The following DEPDC1B variants were observed in gnomAD, a reference collection of about 807,000 sequenced individuals.
DEPDC1B encodes DEP domain-containing protein 1B.
In DEPDC1B, 51 loss-of-function variants were observed where a neutral mutation model predicts 66.5. That is an observed-to-expected ratio of 0.77 (90% CI 0.61 to 0.97). DEPDC1B has a LOEUF of 0.97. Ranked by LOEUF, DEPDC1B falls within the 50% of genes least tolerant of loss-of-function variation. DEPDC1B has a pLI of 0.00. For synonymous variants in DEPDC1B, 226 were observed against 223.6 expected (o/e 1.01, Z -0.10); for missense variants, 552 against 637.1 (o/e 0.87, Z 1.44).
At chr5:60,646,945 T>C (rs1196572786) in intron 3 of DEPDC1B, among the ~76,000 whole-genome samples, 1 of 152,196 alleles carries the variant, frequency 6.6e-6, no homozygotes, top group Non-Finnish European at 1.5e-5. Context: ...TGGGACCATC[T>C]AGTTACAGGA....
intron 2 of DEPDC1B, among the ~76,000 whole-genome samples, chr5:60,662,662 A>T (rs1476638899): frequency 6.6e-6 from 1 of 152,156 alleles, no homozygotes; most frequent in Non-Finnish European, 1.5e-5. Context: ...TGTCCGAATA[A>T]AAATAAGCTG....
At chr5:60,696,967 G>A (rs1561397713) in intron 1 of DEPDC1B, among the ~76,000 whole-genome samples, 1 of 152,164 alleles carries the variant, frequency 6.6e-6, no homozygotes, top group Non-Finnish European at 1.5e-5. Context: ...ACCTCGTTGT[G>A]TGATCTTGCC....
At chr5:60,652,922 A>T (rs1753488926) in intron 2 of DEPDC1B, among the ~76,000 whole-genome samples, 1 of 149,340 alleles carries the variant, frequency 6.7e-6, no homozygotes, top group Admixed American at 6.6e-5. Context: ...GATTGCTGCA[A>T]ATGTCATTAT....
intron 2 of DEPDC1B, among the ~76,000 whole-genome samples, chr5:60,677,826 A>C (rs1344528999): frequency 1.3e-5 from 2 of 152,252 alleles, no homozygotes; most frequent in African/African-American, 4.8e-5. Flanking sequence ...ACAACCCATG[A>C]CGATGAAATG....
chr5:60,618,051 C>T (rs1187865118), intron 7 of DEPDC1B, among the ~76,000 whole-genome samples: 2 of 152,158 alleles, frequency 1.3e-5, no homozygotes, highest in African/African-American at 4.8e-5. Context: ...GGGTACATAA[C>T]AAAATGAAGG....
intron 7 of DEPDC1B, among the ~76,000 whole-genome samples, chr5:60,615,121 T>G (rs550343775): frequency 6.6e-6 from 1 of 152,258 alleles, no homozygotes; most frequent in South Asian, 2.1e-4. Flanking sequence ...TTGAATAAAA[T>G]GAATCAAAGG....
intron 2 of DEPDC1B, among the ~76,000 whole-genome samples, chr5:60,681,748 C>G (rs557366573): frequency 6.6e-6 from 1 of 151,720 alleles, no homozygotes; most frequent in Non-Finnish European, 1.5e-5. Context: ...ACAGACAATA[C>G]AAAGAAATAA....
At chr5:60,692,307 T>C (rs1309322024) in intron 1 of DEPDC1B, among the ~76,000 whole-genome samples, 4 of 152,152 alleles carry the variant, frequency 2.6e-5, no homozygotes, top group African/African-American at 7.2e-5. Context: ...ACTTTCAAAA[T>C]CTGAGAGTAA....
chr5:60,604,964 C>T (rs1367070388), intron 8 of DEPDC1B, among the ~76,000 whole-genome samples: 2 of 152,152 alleles, frequency 1.3e-5, no homozygotes, highest in African/African-American at 4.8e-5. Flanking sequence ...CAGTGAATCC[C>T]CAGGGAGTAC....
At chr5:60,616,221 A>C (rs531707064) in intron 7 of DEPDC1B, among the ~76,000 whole-genome samples, 1 of 152,226 alleles carries the variant, frequency 6.6e-6, no homozygotes, top group Non-Finnish European at 1.5e-5. Context: ...TGGAAACTCT[A>C]AAAATCAGAG....
At chr5:60,644,616 T>C in intron 5 of DEPDC1B, 129 bp downstream of exon 5, 1 of 673,008 alleles carries the variant, frequency 1.5e-6, no homozygotes, top group Non-Finnish European at 2.3e-6. Flanking sequence ...TTAAAAGGTA[T>C]TAGAAAGAAT....
chr5:60,603,769 CAG>C (rs555298898), intron 8 of DEPDC1B, among the ~76,000 whole-genome samples: 26 of 151,606 alleles, frequency 1.7e-4, no homozygotes, highest in African/African-American at 6.1e-4. Context: ...TAAGAGACTG[CAG>C]AGAGATGCTT....
At chr5:60,618,861 C>A (rs192367499) in intron 7 of DEPDC1B, among the ~76,000 whole-genome samples, 7 of 152,298 alleles carry the variant, frequency 4.6e-5, no homozygotes, top group African/African-American at 1.7e-4. Flanking sequence ...ACTAATATCC[C>A]TGATGTACAT....
chr5:60,691,188 G>T (rs1316517605), intron 1 of DEPDC1B, among the ~76,000 whole-genome samples: 4 of 152,050 alleles, frequency 2.6e-5, no homozygotes, highest in Non-Finnish European at 4.4e-5. Flanking sequence ...CAAGTAGCTG[G>T]GGTTACAGGC....
At position 60,667,935 on chromosome 5, in the gene DEPDC1B, A is replaced by G. The variant is rs1322537863; in HGVS notation, c.314+19027T>C. On this transcript the variant is annotated intron_variant, in intron 2 of 10. Transcript: ENST00000265036. Reference sequence around the variant, plus strand: ...TATAAAAAATGGATATTTTATATATATATAAAATGGATATTTTATATATAT... The same window carrying G: ...TATAAAAAATGGATATTTTATATATGTATAAAATGGATATTTTATATATAT... 7.8e-4 allele frequency among the ~76,000 whole-genome samples: 70 copies of G among 89,720 alleles called. 8 individuals are homozygous for G. Among genetic ancestry groups the G allele is most frequent in the Non-Finnish European group, 1.2e-3 (50 of 43,276 alleles). 58.9% of individuals were successfully genotyped at this position (89,720 alleles called of 152,430 possible).
intron 7 of DEPDC1B, among the ~76,000 whole-genome samples, chr5:60,614,554 C>T (rs1450207389): frequency 6.6e-6 from 1 of 151,994 alleles, no homozygotes; most frequent in Non-Finnish European, 1.5e-5. Flanking sequence ...TTAATCTCTT[C>T]TCTTTTTTTT....
At chr5:60,627,723 T>C (rs889146135) in intron 7 of DEPDC1B, among the ~76,000 whole-genome samples, 1 of 152,124 alleles carries the variant, frequency 6.6e-6, no homozygotes, top group Non-Finnish European at 1.5e-5. Flanking sequence ...CTTCCTATCA[T>C]TTGAGAGAAG....
chr5:60,700,148 A>C lies in DEPDC1B; in HGVS notation c.-55T>G, dbSNP rs1043311377. 9 of 1,517,698 alleles carry C rather than the reference A, an allele frequency of 5.9e-6. No individual in the cohort carries two copies. Among genetic ancestry groups the C allele is most frequent in the African/African-American group, 2.8e-5 (2 of 70,688 alleles). 94.0% of individuals were successfully genotyped at this position (1,517,698 alleles called of 1,614,324 possible). On this transcript the variant is annotated 5_prime_UTR_variant, in exon 1 of 11. Coordinates refer to ENST00000265036, the MANE Select transcript of DEPDC1B (RefSeq NM_018369.3). ...GCCAGCGCTGATCCCCGCCAGCCGG[A>C]GGAGCAGCAGTTTGAATCCCAAGCC...
intron 6 of DEPDC1B, among the ~76,000 whole-genome samples, chr5:60,641,277 T>C (rs1482692753): frequency 6.6e-6 from 1 of 152,156 alleles, no homozygotes; most frequent in Non-Finnish European, 1.5e-5. Context: ...CATCTTACTA[T>C]ATATTTTACA....
Sources: allele counts gnomAD v4.1 joint callset (sites outside exome capture counted in the v4.1 genomes callset), GRCh38; gene constraint gnomAD v4.1.1; transcripts MANE v1.5; gene names NCBI Gene and HGNC (gene_info 2026-07-23, HGNC 2026-07-21).